ZBTB46: variants seen among roughly 807,000 people sequenced by gnomAD.
ZBTB46 encodes zinc finger and BTB domain-containing protein 46.
A neutral mutation model predicts 44.1 loss-of-function variants in ZBTB46; 8 were observed. That is an observed-to-expected ratio of 0.18 (90% CI 0.11 to 0.33). The LOEUF is 0.33. Ranked by LOEUF, ZBTB46 falls within the 10% of genes least tolerant of loss-of-function variation. The probability of loss-of-function intolerance (pLI) is 1.00; values close to 1 mark genes in which losing one functional copy is unlikely to be tolerated. For missense variants in ZBTB46, 651 were observed against 847.7 expected (o/e 0.77, Z 2.88); for synonymous variants, 409 against 382.3 (o/e 1.07, Z -0.81).
At chr20:63,830,143 G>C (rs965316386) in intron 1 of ZBTB46, among the ~76,000 whole-genome samples, 1 of 152,172 alleles carries the variant, frequency 6.6e-6, no homozygotes, top group African/African-American at 2.4e-5. Flanking sequence ...GCCCCATCTG[G>C]TCTGTACCCT....
chr20:63,772,070 C>T (rs866920779), intron 3 of ZBTB46, among the ~76,000 whole-genome samples: 1 of 150,588 alleles, frequency 6.6e-6, no homozygotes, highest in Non-Finnish European at 1.5e-5. Flanking sequence ...TCTCGGCTCA[C>T]GGCAACCTCC....
In ZBTB46 at chr20:63,752,553, C is replaced by G; in HGVS notation, c.1398+133G>C. 1 of 1,139,594 alleles carries G rather than the reference C, an allele frequency of 8.8e-7. No homozygotes were observed. Among genetic ancestry groups the G allele is most frequent in the Non-Finnish European group, 1.2e-6 (1 of 864,762 alleles). 70.6% of individuals were successfully genotyped at this position (1,139,594 alleles called of 1,614,324 possible). A position where few individuals can be genotyped will look rare whatever the true frequency, so the allele number is the denominator to read the frequency against. ...AGGGGCCCGGGGCGGATCTCCCTGCCCTGCTGTCGTCCCCCCTGTGCAGAG... is the reference window on the plus strand; with the variant it reads ...AGGGGCCCGGGGCGGATCTCCCTGCGCTGCTGTCGTCCCCCCTGTGCAGAG... On this transcript the variant is annotated intron_variant, in intron 4 of 4. Transcript: ENST00000245663. The surrounding 1 kb of genome is among the most constrained non-coding windows in gnomAD (Gnocchi z 5.6).
At chr20:63,762,817 C>T (rs1568839389) in intron 3 of ZBTB46, among the ~76,000 whole-genome samples, 1 of 152,282 alleles carries the variant, frequency 6.6e-6, no homozygotes, top group East Asian at 1.9e-4. Context: ...GATTGCTATA[C>T]TGACTTTCTT....
chr20:63,786,361 C>T (rs1162232861), intron 2 of ZBTB46, among the ~76,000 whole-genome samples: 2 of 152,172 alleles, frequency 1.3e-5, no homozygotes, highest in African/African-American at 4.8e-5. Flanking sequence ...AACGGGGGAT[C>T]CAAAGGCAGG....
chr20:63,778,245 T>C (rs758352334), intron 2 of ZBTB46, among the ~76,000 whole-genome samples: 1 of 152,134 alleles, frequency 6.6e-6, no homozygotes, highest in Non-Finnish European at 1.5e-5. Context: ...AGGTGACGAC[T>C]TGAGTCATGA....
chr20:63,809,714 C>T (rs533844293), intron 1 of ZBTB46, among the ~76,000 whole-genome samples: 254 of 152,304 alleles, frequency 1.7e-3, no homozygotes, highest in African/African-American at 5.9e-3. Flanking sequence ...GAAATCCCAA[C>T]GCTGAGGGAA....
At chr20:63,833,139 G>A (rs77913902), upstream of ZBTB46, among the ~76,000 whole-genome samples, 548 of 152,356 alleles carry the variant, frequency 3.6e-3, 5 homozygotes, top group African/African-American at 0.013. Context: ...TGCCATGTCC[G>A]TTGTCCATGC....
At chr20:63,802,112 G>A (rs1435870266) in intron 1 of ZBTB46, among the ~76,000 whole-genome samples, 4 of 152,104 alleles carry the variant, frequency 2.6e-5, no homozygotes, top group Non-Finnish European at 5.9e-5. Flanking sequence ...GGTCATTGCA[G>A]ATGCAATTAA....
intron 3 of ZBTB46, among the ~76,000 whole-genome samples, chr20:63,755,077 C>T (rs1398598696): frequency 6.6e-6 from 1 of 152,226 alleles, no homozygotes; most frequent in African/African-American, 2.4e-5. Flanking sequence ...TTAGAATGGA[C>T]ATGAGCAGGA....
At chr20:63,830,731 G>A (rs952462182) in intron 1 of ZBTB46, among the ~76,000 whole-genome samples, 20 of 148,450 alleles carry the variant, frequency 1.3e-4, no homozygotes, top group African/African-American at 4.9e-4. Context: ...AGGTGCCGGG[G>A]AGGGAGCGCG....
At chr20:63,788,956 C>T (rs1228361767) in intron 2 of ZBTB46, among the ~76,000 whole-genome samples, 2 of 151,098 alleles carry the variant, frequency 1.3e-5, no homozygotes, top group Non-Finnish European at 3.0e-5. Context: ...CTGCCTCAGC[C>T]TCCCAAGTAG....
chr20:63,750,511 T>A (rs2092150415), intron 4 of ZBTB46, among the ~76,000 whole-genome samples: 1 of 151,968 alleles, frequency 6.6e-6, no homozygotes, highest in South Asian at 2.1e-4. Context: ...AGTGCTAGGA[T>A]TACAGGCATG....
intron 1 of ZBTB46, among the ~76,000 whole-genome samples, chr20:63,813,645 A>T (rs1006331508): frequency 6.6e-6 from 1 of 152,128 alleles, no homozygotes; most frequent in Non-Finnish European, 1.5e-5. Context: ...CCAGACCTTC[A>T]GGTAGGAAGT....
At chr20:63,770,785 G>T (rs1381896535) in intron 3 of ZBTB46, among the ~76,000 whole-genome samples, 5 of 152,210 alleles carry the variant, frequency 3.3e-5, no homozygotes, top group Non-Finnish European at 2.9e-5. Flanking sequence ...CCGCAAAGGG[G>T]CAGTGGACAC....
intron 1 of ZBTB46, among the ~76,000 whole-genome samples, chr20:63,807,708 C>T (rs943473786): frequency 3.3e-5 from 5 of 152,382 alleles, no homozygotes; most frequent in African/African-American, 9.6e-5. Flanking sequence ...TGATAGAATC[C>T]CTAACCAGTT....
chr20:63,754,883 G>C (rs959756369), intron 3 of ZBTB46, among the ~76,000 whole-genome samples: 1 of 152,160 alleles, frequency 6.6e-6, no homozygotes, highest in Non-Finnish European at 1.5e-5. Context: ...ACAGGCGTGA[G>C]CCACCGCGCC....
intron 2 of ZBTB46, among the ~76,000 whole-genome samples, chr20:63,786,699 A>T (rs1043967729): frequency 3.9e-5 from 6 of 151,952 alleles, no homozygotes; most frequent in Admixed American, 1.3e-4. Context: ...TTTAGTAGAG[A>T]CGGGGTTTCA....
intron 2 of ZBTB46, among the ~76,000 whole-genome samples, chr20:63,778,744 T>C (rs1451369430): frequency 1.3e-5 from 2 of 152,246 alleles, no homozygotes; most frequent in African/African-American, 4.8e-5. Flanking sequence ...CTCCTTTTTA[T>C]ATTTTTTTAC....
intron 3 of ZBTB46, among the ~76,000 whole-genome samples, chr20:63,754,866 T>C (rs1255354515): frequency 6.6e-6 from 1 of 151,590 alleles, no homozygotes; most frequent in Non-Finnish European, 1.5e-5. Flanking sequence ...CTCAAAGTTA[T>C]GGGATTACAG....
Sources: allele counts gnomAD v4.1 joint callset (sites outside exome capture counted in the v4.1 genomes callset), GRCh38; gene constraint gnomAD v4.1.1; non-coding constraint Gnocchi (gnomAD v3.1); transcripts MANE v1.5; gene names NCBI Gene and HGNC (gene_info 2026-07-23, HGNC 2026-07-21).